FAM135B: variants seen among roughly 807,000 people sequenced by gnomAD.
The protein encoded by FAM135B is protein FAM135B.
A neutral mutation model predicts 127.7 loss-of-function variants in FAM135B; 43 were observed. The ratio of observed to expected loss-of-function variants is 0.34; its 90% CI spans 0.26 to 0.43. FAM135B has a LOEUF of 0.43. Ranked by LOEUF, FAM135B falls within the 20% of genes least tolerant of loss-of-function variation. The pLI, the probability that FAM135B is intolerant of heterozygous loss-of-function variation, is 1.00. For synonymous variants in FAM135B, 670 were observed against 665.1 expected, an observed-to-expected ratio of 1.01 and a Z score of -0.11; for missense variants, 1,558 against 1,725.6, an observed-to-expected ratio of 0.90 and a Z score of 1.72.
At chr8:138,338,823 T>C (rs1473643450) in intron 2 of FAM135B, among the ~76,000 whole-genome samples, 4 of 152,122 alleles carry the variant, frequency 2.6e-5, no homozygotes, top group Non-Finnish European at 5.9e-5. Flanking sequence ...ATGTTTATTG[T>C]GGCACTACTC....
chr8:138,182,703 ATACT>A (rs1307591418), intron 9 of FAM135B, among the ~76,000 whole-genome samples: 2 of 152,220 alleles, frequency 1.3e-5, no homozygotes, highest in East Asian at 1.9e-4. Flanking sequence ...GGAGGAGGTG[ATACT>A]TACATTACAT....
At chr8:138,260,315 C>T (rs1440423307) in intron 4 of FAM135B, among the ~76,000 whole-genome samples, 1 of 152,202 alleles carries the variant, frequency 6.6e-6, no homozygotes, top group East Asian at 1.9e-4. Flanking sequence ...AGCCTGTAAG[C>T]CGCTGGGCCC....
chr8:138,364,261 C>A (rs1016308361), intron 2 of FAM135B, among the ~76,000 whole-genome samples: 3 of 152,046 alleles, frequency 2.0e-5, no homozygotes, highest in Non-Finnish European at 4.4e-5. Flanking sequence ...TCAGGAACAC[C>A]CCCGGCAAAT....
chr8:138,159,431 A>C (rs910851136), intron 12 of FAM135B, among the ~76,000 whole-genome samples: 2 of 151,440 alleles, frequency 1.3e-5, no homozygotes, highest in African/African-American at 4.9e-5. Flanking sequence ...TCCATAAAAA[A>C]GGATGAATTC....
At chr8:138,425,474 T>A (rs1246829496) in intron 1 of FAM135B, 1 of 152,166 alleles carries the variant, frequency 6.6e-6, no homozygotes, top group Non-Finnish European at 1.5e-5. Context: ...GGACAGAACC[T>A]CCTTATGTAT....
rs1822875075 is a variant in FAM135B, at chr8:138,265,818, C to T, written c.182G>A (p.Cys61Tyr). 6.2e-7 allele frequency: 1 copy of T among 1,613,884 alleles called. No individual in the cohort carries two copies. The change falls in exon 4 of 20, where the codon TGT becomes TAT. Residue 61 changes from cysteine (C) to tyrosine (Y), a missense_variant. Cys to Tyr is a radical substitution (Grantham distance 194). Around this residue, in one of 5 missense-constraint regions of FAM135B, gnomAD observed 199 missense variants for 245.7 expected, o/e 0.81. Coordinates refer to ENST00000395297, the MANE Select transcript of FAM135B (RefSeq NM_015912.4). ...QTESSSLHSA[C>Y]VHDSTVHSRV... ...GCTGTGCACGGTGCTGTCATGGACA[C>T]AGGCTGAATGCAGGCTGCTGCTCTC...
At chr8:138,333,133 T>C (rs1214968503) in intron 2 of FAM135B, among the ~76,000 whole-genome samples, 1 of 152,180 alleles carries the variant, frequency 6.6e-6, no homozygotes, top group African/African-American at 2.4e-5. Flanking sequence ...TAAAGGAACA[T>C]CCAGTCAGGA....
At chr8:138,392,837 C>A (rs2131333503) in intron 1 of FAM135B, among the ~76,000 whole-genome samples, 1 of 152,276 alleles carries the variant, frequency 6.6e-6, no homozygotes, top group Admixed American at 6.5e-5. Flanking sequence ...ACTTCCACTC[C>A]AGCCTATGGG....
At chr8:138,155,377 G>T (rs1197427968) in intron 12 of FAM135B, among the ~76,000 whole-genome samples, 2 of 152,154 alleles carry the variant, frequency 1.3e-5, no homozygotes, top group African/African-American at 2.4e-5. Context: ...CTGGGAAGAA[G>T]CTGCATCAAC....
intron 1 of FAM135B, among the ~76,000 whole-genome samples, chr8:138,419,531 C>T (rs979861390): frequency 6.6e-6 from 1 of 152,112 alleles, no homozygotes; most frequent in African/African-American, 2.4e-5. Flanking sequence ...ACAGAACATT[C>T]CACCCAACAA....
chr8:138,310,784 T>A (rs562399437), intron 3 of FAM135B, 57 bp downstream of exon 3: 2 of 1,506,200 alleles, frequency 1.3e-6, no homozygotes, highest in Non-Finnish European at 1.8e-6. Flanking sequence ...TGGCGAGCAG[T>A]GACAAAGGGA....
chr8:138,405,003 C>T lies in FAM135B; in HGVS notation c.-19-37001G>A, dbSNP rs534075012. ...CCAGAAAGTTTTCAATTTACTTTTC[C>T]CAAATCCAGTAGAGGAATCACTACC... On this transcript the variant is annotated intron_variant, in intron 1 of 19. Transcript: ENST00000395297. Among the ~76,000 whole-genome samples the T allele has an allele frequency of 1.4e-3, 207 of 152,160 alleles. 2 individuals are homozygous for T. The highest frequency in any genetic ancestry group is 2.5e-3 in the Non-Finnish European group (171 of 68,020).
At chr8:138,334,241 C>T (rs746072172) in intron 2 of FAM135B, among the ~76,000 whole-genome samples, 7 of 152,126 alleles carry the variant, frequency 4.6e-5, no homozygotes, top group Non-Finnish European at 1.0e-4. Context: ...CTCTTATTGA[C>T]CCACGACAGA....
At chr8:138,343,363 T>C (rs16908871) in intron 2 of FAM135B, among the ~76,000 whole-genome samples, 64,583 of 151,954 alleles carry the variant, frequency 0.43, 14,328 homozygotes, top group East Asian at 0.66. Context: ...GCAAAGACAC[T>C]CTGATCTCAG....
intron 2 of FAM135B, among the ~76,000 whole-genome samples, chr8:138,326,889 A>T (rs922755553): frequency 7.9e-5 from 12 of 152,114 alleles, no homozygotes; most frequent in African/African-American, 2.9e-4. Context: ...AGTCCTTCTA[A>T]AACTGTAATT....
intron 1 of FAM135B, among the ~76,000 whole-genome samples, chr8:138,399,157 T>C (rs1833008285): frequency 6.6e-6 from 1 of 152,190 alleles, no homozygotes; most frequent in Non-Finnish European, 1.5e-5. Context: ...TGGGACAGTC[T>C]CAGTTAATAT....
chr8:138,226,150 C>CGTGTGTGTGTGTGTGT (rs72185111), intron 7 of FAM135B, among the ~76,000 whole-genome samples: 57 of 133,530 alleles, frequency 4.3e-4, no homozygotes, highest in African/African-American at 1.0e-3. Context: ...GGGGACCCAC[C>CGTGTGTGTGTGTGTGT]GTGTGTGTGT....
chr8:138,301,546 G>A (rs961770608), intron 3 of FAM135B, among the ~76,000 whole-genome samples: 7 of 151,698 alleles, frequency 4.6e-5, no homozygotes, highest in Non-Finnish European at 8.8e-5. Context: ...TCTTTGCTCC[G>A]AGCTCTGTCT....
chr8:138,296,345 T>C (rs1424079635), intron 3 of FAM135B, among the ~76,000 whole-genome samples: 1 of 152,194 alleles, frequency 6.6e-6, no homozygotes, highest in Non-Finnish European at 1.5e-5. Flanking sequence ...CCACATGAAT[T>C]AACATCAGTT....
Sources: allele counts gnomAD v4.1 joint callset (sites outside exome capture counted in the v4.1 genomes callset), GRCh38; gene constraint gnomAD v4.1.1; regional missense constraint gnomAD v4.1.1; transcripts MANE v1.5; gene names NCBI Gene and HGNC (gene_info 2026-07-23, HGNC 2026-07-21).